The following EEFSEC variants were observed in gnomAD, a reference collection of about 807,000 sequenced individuals.
EEFSEC encodes the protein eukaryotic elongation factor, selenocysteine-tRNA specific.
A neutral mutation model predicts 42.1 loss-of-function variants in EEFSEC; 43 were observed. The ratio of observed to expected loss-of-function variants is 1.02; its 90% CI spans 0.80 to 1.32. The LOEUF (loss-of-function observed/expected upper bound fraction) is 1.32. EEFSEC is among the 40% of genes most tolerant of loss of function. The probability of loss-of-function intolerance (pLI) is 0.00; values close to 1 mark genes in which losing one functional copy is unlikely to be tolerated. For missense variants in EEFSEC, 745 were observed against 803.6 expected (o/e 0.93, Z 0.88); for synonymous variants, 354 against 339.1 (o/e 1.04, Z -0.48).
intron 1 of EEFSEC, among the ~76,000 whole-genome samples, chr3:128,155,829 G>A (rs1194923903): frequency 6.6e-6 from 1 of 152,178 alleles, no homozygotes; most frequent in Non-Finnish European, 1.5e-5. Context: ...CCATTTTACA[G>A]TAGAGGAAAT....
At chr3:128,239,860 C>T (rs2066052138) in intron 1 of EEFSEC, among the ~76,000 whole-genome samples, 1 of 152,220 alleles carries the variant, frequency 6.6e-6, no homozygotes, top group African/African-American at 2.4e-5. Flanking sequence ...GGAGCCTTCT[C>T]CTGTGACTGG....
chr3:128,271,873 A>G (rs1442013209), intron 4 of EEFSEC, among the ~76,000 whole-genome samples: 1 of 152,084 alleles, frequency 6.6e-6, no homozygotes, highest in South Asian at 2.1e-4. Context: ...CTCCAGGATA[A>G]AATCTAAAGT....
intron 4 of EEFSEC, chr3:128,337,070 A>T (rs1038418512): frequency 7.2e-5 from 11 of 152,198 alleles, no homozygotes; most frequent in Admixed American, 6.5e-4. Flanking sequence ...ACTAAAAGGA[A>T]AGCCTGTTTT....
chr3:128,271,624 C>A (rs1337633150), intron 4 of EEFSEC, among the ~76,000 whole-genome samples: 1 of 152,196 alleles, frequency 6.6e-6, no homozygotes, highest in African/African-American at 2.4e-5. Flanking sequence ...ATGCTAGGCC[C>A]TTTGAGCAGA....
rs181672996 is a variant in EEFSEC, at chr3:128,221,429, G to A, written c.317-25407G>A. Among the ~76,000 whole-genome samples, 140 of 152,308 alleles carry A rather than the reference G, an allele frequency of 9.2e-4. 2 individuals carry two copies. In the Middle Eastern group the frequency reaches 0.031, roughly 33 times the overall value. On this transcript the variant is annotated intron_variant, in intron 1 of 6. Coordinates refer to ENST00000254730, the MANE Select transcript of EEFSEC (RefSeq NM_021937.5). ...GGAGATTAAATTGCTTGCTTTGCGAGGTGAGCTGAGAAAGTTTCCTTCACC... is the reference window on the plus strand; with the variant it reads ...GGAGATTAAATTGCTTGCTTTGCGAAGTGAGCTGAGAAAGTTTCCTTCACC...
intron 1 of EEFSEC, among the ~76,000 whole-genome samples, chr3:128,215,381 C>G (rs900471939): frequency 5.3e-5 from 8 of 152,044 alleles, no homozygotes; most frequent in African/African-American, 1.9e-4. Context: ...GTCTATGTGA[C>G]TTTGGATAAA....
chr3:128,204,559 G>A (rs2065673322), intron 1 of EEFSEC, among the ~76,000 whole-genome samples: 1 of 152,072 alleles, frequency 6.6e-6, no homozygotes, highest in African/African-American at 2.4e-5. Flanking sequence ...TAACTACTCT[G>A]TGTTCAGCTG....
chr3:128,368,899 T>C (rs957221093), intron 6 of EEFSEC, among the ~76,000 whole-genome samples: 1 of 152,280 alleles, frequency 6.6e-6, no homozygotes, highest in Non-Finnish European at 1.5e-5. Context: ...CATGCCCGTA[T>C]TGCTGGGCTG....
chr3:128,321,991 C>CA (rs2067012892), intron 4 of EEFSEC, among the ~76,000 whole-genome samples: 1 of 152,196 alleles, frequency 6.6e-6, no homozygotes, highest in Non-Finnish European at 1.5e-5. Flanking sequence ...CGTGGGGGAG[C>CA]AGCAGTGCTC....
intron 6 of EEFSEC, among the ~76,000 whole-genome samples, chr3:128,391,852 A>G (rs553244242): frequency 1.5e-4 from 23 of 152,202 alleles, no homozygotes; most frequent in Non-Finnish European, 1.3e-4. Context: ...CAGAAAGACA[A>G]GCAACGAATG....
chr3:128,283,871 G>A (rs1419100153), intron 4 of EEFSEC, among the ~76,000 whole-genome samples: 3 of 152,166 alleles, frequency 2.0e-5, no homozygotes, highest in Non-Finnish European at 4.4e-5. Flanking sequence ...ATCAGCACCC[G>A]CCCAAATGGG....
At chr3:128,409,361 CGTGTGTGTGT>C (rs60523218), downstream of EEFSEC, among the ~76,000 whole-genome samples, 1 of 149,678 alleles carries the variant, frequency 6.7e-6, no homozygotes, top group African/African-American at 2.4e-5. Flanking sequence ...GCCCCAGAGC[CGTGTGTGTGT>C]GTGTGTGTGT....
intron 6 of EEFSEC, among the ~76,000 whole-genome samples, chr3:128,402,601 C>G (rs1010103664): frequency 6.6e-6 from 1 of 152,222 alleles, no homozygotes; most frequent in African/African-American, 2.4e-5. Flanking sequence ...CACGGTGTTA[C>G]GAGAGGATTC....
At position 128,341,472 on chromosome 3, in the gene EEFSEC, A is replaced by G. The variant is rs1294694298; in HGVS notation, c.1026A>G (p.Glu342=). The change falls in exon 5 of 7, where the codon GAA becomes GAG. Residue 342 remains glutamate, a synonymous_variant. Transcript: ENST00000254730. ...KAKFHITVGH[E]TVMGRLMFFS... ...AGTTCCACATTACAGTGGGCCATGA[A>G]ACAGTCATGGGCCGGTTGATGTTCT... The G allele has an allele frequency of 1.2e-6, 2 of 1,614,128 alleles. No homozygotes were observed. The highest frequency in any genetic ancestry group is 4.5e-5 in the East Asian group (2 of 44,882).
intron 4 of EEFSEC, among the ~76,000 whole-genome samples, chr3:128,313,018 A>G (rs2066906868): frequency 6.6e-6 from 1 of 152,216 alleles, no homozygotes; most frequent in Non-Finnish European, 1.5e-5. Context: ...GGTCAAGTCA[A>G]GTAGCCTCCG....
intron 1 of EEFSEC, among the ~76,000 whole-genome samples, chr3:128,187,729 A>G (rs1203867926): frequency 1.3e-5 from 2 of 152,240 alleles, no homozygotes; most frequent in Non-Finnish European, 2.9e-5. Context: ...AGATAGGTGC[A>G]TCAAAGACCA....
At chr3:128,252,612 G>A (rs972682364) in intron 2 of EEFSEC, among the ~76,000 whole-genome samples, 2 of 152,082 alleles carry the variant, frequency 1.3e-5, no homozygotes, top group African/African-American at 4.8e-5. Flanking sequence ...CTTAATAAAT[G>A]TTGGCTGTTT....
At chr3:128,194,616 T>G (rs552189624) in intron 1 of EEFSEC, among the ~76,000 whole-genome samples, 2 of 152,308 alleles carry the variant, frequency 1.3e-5, no homozygotes, top group South Asian at 4.1e-4. Flanking sequence ...ACAGCATTAT[T>G]TATAAGAGCA....
intron 4 of EEFSEC, among the ~76,000 whole-genome samples, chr3:128,279,972 G>A (rs2066508821): frequency 6.6e-6 from 1 of 152,178 alleles, no homozygotes; most frequent in South Asian, 2.1e-4. Flanking sequence ...CGTGCCCATC[G>A]AACACGATGG....
Sources: allele counts gnomAD v4.1 joint callset (sites outside exome capture counted in the v4.1 genomes callset), GRCh38; gene constraint gnomAD v4.1.1; transcripts MANE v1.5; gene names NCBI Gene and HGNC (gene_info 2026-07-23, HGNC 2026-07-21).